ADAM22: variants seen among roughly 807,000 people sequenced by gnomAD.
ADAM22 encodes the protein ADAM metallopeptidase domain 22.
Under a neutral mutation model 144.6 loss-of-function variants are expected in ADAM22, and 65 were observed. The ratio of observed to expected loss-of-function variants is 0.45; its 90% CI spans 0.37 to 0.55. The LOEUF (loss-of-function observed/expected upper bound fraction) is 0.55. ADAM22 is among the 20% of genes least tolerant of loss of function. The probability of loss-of-function intolerance (pLI) is 0.00; values close to 1 mark genes in which losing one functional copy is unlikely to be tolerated. For synonymous variants in ADAM22, 391 were observed against 412.6 expected (o/e 0.95, Z 0.63); for missense variants, 974 against 1,184.9 (o/e 0.82, Z 2.61).
At chr7:88,047,493 G>T (rs993672623) in intron 3 of ADAM22, among the ~76,000 whole-genome samples, 1 of 151,914 alleles carries the variant, frequency 6.6e-6, no homozygotes, top group Non-Finnish European at 1.5e-5. Flanking sequence ...TTTGATTTTT[G>T]TATTTTCTTG....
chr7:88,092,831 C>T (rs370812697), intron 4 of ADAM22, among the ~76,000 whole-genome samples: 2 of 152,118 alleles, frequency 1.3e-5, no homozygotes, highest in Admixed American at 6.6e-5. Context: ...GGTCAGGTGT[C>T]TTAGTGCTGG....
chr7:88,022,561 G>A (rs746936997), intron 3 of ADAM22, among the ~76,000 whole-genome samples: 2 of 152,102 alleles, frequency 1.3e-5, no homozygotes, highest in Non-Finnish European at 2.9e-5. Context: ...GAAAAAAGGT[G>A]CATACCATTC....
intron 3 of ADAM22, among the ~76,000 whole-genome samples, chr7:88,045,177 C>G (rs955340159): frequency 6.6e-6 from 1 of 151,744 alleles, no homozygotes; most frequent in African/African-American, 2.4e-5. Context: ...GCCACCACAC[C>G]GGGCTAATTT....
At chr7:88,110,659 T>A (rs13222383) in intron 5 of ADAM22, among the ~76,000 whole-genome samples, 2 of 149,810 alleles carry the variant, frequency 1.3e-5, no homozygotes, top group African/African-American at 5.0e-5. Context: ...TCTTTTCTTT[T>A]TTTTCTTTTC....
Position 87,934,546 on chromosome 7 carries a change from G to A in ADAM22, c.81G>A (p.Gln27=), listed in dbSNP as rs990451039. 2 of 1,607,468 alleles carry A rather than the reference G, an allele frequency of 1.2e-6. No individual in the cohort carries two copies. Reference sequence around the variant, plus strand: ...CCTGCCCTCCGGCGCGCTGCGGCCAGGCAGGTAAGTTAGCCGTCCTCTGTG... The same window carrying A: ...CCTGCCCTCCGGCGCGCTGCGGCCAAGCAGGTAAGTTAGCCGTCCTCTGTG... ...LGTCPPARCG[Q]AGDASLMELE... The change falls in exon 1 of 32, where the codon CAG becomes CAA. Residue 27 remains glutamine, a synonymous_variant. Transcript: ENST00000413139.
In ADAM22 at chr7:87,982,701, T is replaced by TATACATATATATATATAA. The variant is rs1554373733; in HGVS notation, c.323+4289_323+4290insATACATATATATATATAA. Among the ~76,000 whole-genome samples the TATACATATATATATATAA allele has an allele frequency of 5.9e-5, 2 of 33,802 alleles. 1 individual carries two copies. The highest frequency in any genetic ancestry group is 2.6e-4 in the African/African-American group (2 of 7,684). 22.2% of individuals were successfully genotyped at this position (33,802 alleles called of 152,430 possible). A position where few individuals can be genotyped will look rare whatever the true frequency, so the allele number is the denominator to read the frequency against. On this transcript the variant is annotated intron_variant, in intron 3 of 31. Coordinates refer to ENST00000413139, the MANE Select transcript of ADAM22 (RefSeq NM_001324418.2). ...TATATATATATATATATATATATAA[T>TATACATATATATATATAA]TTTTTTTTTTGAGATACAGTTTTGC...
intron 26 of ADAM22, among the ~76,000 whole-genome samples, chr7:88,175,396 A>G (rs1845384068): frequency 6.6e-6 from 1 of 152,170 alleles, no homozygotes; most frequent in Non-Finnish European, 1.5e-5. Context: ...CCTTACCTAG[A>G]GAATAGGAAA....
chr7:88,021,934 A>G (rs1288264865), intron 3 of ADAM22, among the ~76,000 whole-genome samples: 6 of 151,508 alleles, frequency 4.0e-5, no homozygotes, highest in Non-Finnish European at 8.8e-5. Flanking sequence ...GTGCAGTGGT[A>G]TGACCAAAGC....
rs763483441 is a variant in ADAM22, at chr7:88,186,659, G to A, written c.2708G>A (p.Trp903Ter). 6 of 1,612,556 alleles carry A rather than the reference G, an allele frequency of 3.7e-6. No individual in the cohort carries two copies. In the East Asian group the frequency reaches 1.3e-4, roughly 36 times the overall value. Residue 903 changes from tryptophan (W) to a stop codon, truncating the protein, a stop_gained, in exon 30 of 32, where the codon TGG becomes TAG. Coordinates refer to ENST00000413139, the MANE Select transcript of ADAM22 (RefSeq NM_001324418.2). LOFTEE classifies it high-confidence loss of function. Reference protein sequence around the residue: ...WFKRDYNVAKWVEDVNKNTEG... With the variant: ...WFKRDYNVAK ...AAAAGAGACTATAATGTAGCTAAGT[G>A]GGTAGAAGATGTGAATAAAAACACT...
At chr7:88,038,603 C>G (rs796844778) in intron 3 of ADAM22, among the ~76,000 whole-genome samples, 6 of 151,226 alleles carry the variant, frequency 4.0e-5, no homozygotes, top group African/African-American at 1.5e-4. Flanking sequence ...TACAGGCGCG[C>G]ACCACCATGC....
At chr7:88,123,258 G>T (rs926801887) in intron 7 of ADAM22, among the ~76,000 whole-genome samples, 2 of 151,758 alleles carry the variant, frequency 1.3e-5, no homozygotes, top group African/African-American at 4.8e-5. Flanking sequence ...GGGTTTTACT[G>T]GTCTTATAAG....
intron 4 of ADAM22, among the ~76,000 whole-genome samples, chr7:88,080,825 A>G (rs967852912): frequency 5.9e-5 from 9 of 151,406 alleles, no homozygotes; most frequent in South Asian, 2.1e-4. Context: ...GAATAGACCA[A>G]TATTGAAATT....
chr7:88,163,935 G>A (rs1842362799), intron 23 of ADAM22, among the ~76,000 whole-genome samples: 1 of 152,048 alleles, frequency 6.6e-6, no homozygotes, highest in African/African-American at 2.4e-5. Flanking sequence ...TGCTTGAACT[G>A]TTGTATTATC....
chr7:87,938,669 G>A (rs1452782588), intron 2 of ADAM22, among the ~76,000 whole-genome samples: 2 of 151,730 alleles, frequency 1.3e-5, no homozygotes, highest in Admixed American at 1.3e-4. Flanking sequence ...CTTTTGAGAT[G>A]GAGTCTCACT....
intron 3 of ADAM22, among the ~76,000 whole-genome samples, chr7:88,061,637 T>C (rs1187879882): frequency 6.6e-6 from 1 of 152,056 alleles, no homozygotes; most frequent in Non-Finnish European, 1.5e-5. Context: ...GGGCTGAAAA[T>C]ATTCAGTAAA....
chr7:88,086,666 T>G (rs2129484079), intron 4 of ADAM22, among the ~76,000 whole-genome samples: 1 of 152,336 alleles, frequency 6.6e-6, no homozygotes, highest in East Asian at 1.9e-4. Context: ...AATTTTAAAG[T>G]AAAGCCTCAA....
intron 3 of ADAM22, among the ~76,000 whole-genome samples, chr7:88,003,229 A>G (rs1304758282): frequency 6.6e-6 from 1 of 152,236 alleles, no homozygotes; most frequent in Non-Finnish European, 1.5e-5. Flanking sequence ...AAACTCAGGA[A>G]ATAAGCTGTC....
intron 3 of ADAM22, among the ~76,000 whole-genome samples, chr7:88,041,461 A>G (rs1803110109): frequency 6.6e-6 from 1 of 151,690 alleles, no homozygotes; most frequent in Non-Finnish European, 1.5e-5. Flanking sequence ...TATTTTATAT[A>G]TATAAAAATA....
At chr7:88,168,278 T>C in intron 25 of ADAM22, 51 bp downstream of exon 25, 1 of 1,527,066 alleles carries the variant, frequency 6.5e-7, no homozygotes. Flanking sequence ...TTCTAAACAT[T>C]TTGATTACAT....
Sources: allele counts gnomAD v4.1 joint callset (sites outside exome capture counted in the v4.1 genomes callset), GRCh38; gene constraint gnomAD v4.1.1; transcripts MANE v1.5; gene names NCBI Gene and HGNC (gene_info 2026-07-23, HGNC 2026-07-21).